Variants in ILRUN observed in about 807,000 individuals in gnomAD.
ILRUN encodes the protein protein ILRUN.
Under a neutral mutation model 33.8 loss-of-function variants are expected in ILRUN, and 3 were observed. The observed-to-expected ratio is 0.09, with a 90% CI of 0.04 to 0.23. ILRUN has a LOEUF of 0.23. ILRUN is among the 10% of genes least tolerant of loss of function. The probability of loss-of-function intolerance (pLI) is 1.00; values close to 1 mark genes in which losing one functional copy is unlikely to be tolerated. For missense variants in ILRUN, 210 were observed against 375.1 expected, an observed-to-expected ratio of 0.56 and a Z score of 3.64; for synonymous variants, 124 against 138.9, an observed-to-expected ratio of 0.89 and a Z score of 0.75.
chr6:34,658,392 CA>C (rs1204350512), intron 1 of ILRUN, among the ~76,000 whole-genome samples: 3 of 150,124 alleles, frequency 2.0e-5, no homozygotes, highest in Non-Finnish European at 3.0e-5. Context: ...TGCACACTGC[CA>C]ATATAGTTAA....
At chr6:34,679,414 T>C (rs973684651) in intron 1 of ILRUN, among the ~76,000 whole-genome samples, 4 of 152,110 alleles carry the variant, frequency 2.6e-5, no homozygotes, top group African/African-American at 9.7e-5. Flanking sequence ...TAGGAATAAA[T>C]TGTAAGGAAA....
intron 4 of ILRUN, among the ~76,000 whole-genome samples, chr6:34,598,141 A>ATATCAGTCAGTATTATTGACTGTATAC (rs1561995629): frequency 6.6e-6 from 1 of 152,308 alleles, no homozygotes; most frequent in Non-Finnish European, 1.5e-5. Flanking sequence ...TGACTGAATA[A>ATATCAGTCAGTATTATTGACTGTATAC]TATCAGTCAG....
intron 1 of ILRUN, among the ~76,000 whole-genome samples, chr6:34,693,141 T>G (rs1763680606): frequency 6.6e-6 from 1 of 152,052 alleles, no homozygotes; most frequent in African/African-American, 2.4e-5. Context: ...AAATACAGTA[T>G]TAGATTATGA....
At chr6:34,662,261 G>A (rs1216953356) in intron 1 of ILRUN, among the ~76,000 whole-genome samples, 9 of 148,324 alleles carry the variant, frequency 6.1e-5, no homozygotes, top group South Asian at 2.1e-4. Context: ...AGCCGAGATC[G>A]CGCCACTGCA....
At chr6:34,653,126 T>C (rs1582081029) in intron 2 of ILRUN, among the ~76,000 whole-genome samples, 1 of 128,174 alleles carries the variant, frequency 7.8e-6, no homozygotes, top group Non-Finnish European at 1.6e-5. Flanking sequence ...GAGTGAGACC[T>C]TGTCTCAAAA....
chr6:34,675,564 C>T (rs1281304416), intron 1 of ILRUN, among the ~76,000 whole-genome samples: 1 of 152,058 alleles, frequency 6.6e-6, no homozygotes, highest in East Asian at 1.9e-4. Flanking sequence ...TCCCACTGCC[C>T]CTCCCCGCCA....
chr6:34,593,885 G>A (rs1761343364), intron 4 of ILRUN, among the ~76,000 whole-genome samples: 1 of 152,114 alleles, frequency 6.6e-6, no homozygotes, highest in African/African-American at 2.4e-5. Context: ...GCCTGGCAGA[G>A]ATTCCAAGAA....
chr6:34,643,110 A>G (rs1032530751), intron 3 of ILRUN, among the ~76,000 whole-genome samples: 2 of 152,108 alleles, frequency 1.3e-5, no homozygotes, highest in African/African-American at 4.8e-5. Flanking sequence ...AGCCTGGCCA[A>G]CATGGTGAAA....
At chr6:34,614,457 AAAT>A (rs1761834027) in intron 3 of ILRUN, among the ~76,000 whole-genome samples, 1 of 134,004 alleles carries the variant, frequency 7.5e-6, no homozygotes, top group African/African-American at 3.1e-5. Context: ...TATATATATA[AAAT>A]GTATATTATA....
At chr6:34,656,828 T>C (rs574355626) in intron 1 of ILRUN, among the ~76,000 whole-genome samples, 3 of 152,352 alleles carry the variant, frequency 2.0e-5, no homozygotes, top group South Asian at 4.1e-4. Context: ...CAGTAATGAC[T>C]GAAATTACAA....
chr6:34,596,297 G>A (rs1022313041), intron 4 of ILRUN, among the ~76,000 whole-genome samples: 3 of 152,086 alleles, frequency 2.0e-5, no homozygotes, highest in Non-Finnish European at 4.4e-5. Flanking sequence ...TCACTCTGTC[G>A]CCCAGGCTGG....
chr6:34,654,755 G>A lies in ILRUN; in HGVS notation c.183C>T (p.Ala61=), dbSNP rs201049329. 6.2e-7 allele frequency: 1 copy of A among 1,613,642 alleles called. No homozygotes were observed. Among genetic ancestry groups the A allele is most frequent in the African/African-American group, 1.3e-5 (1 of 74,998 alleles). ...TNWNLQAAIG[A]YYDFESPNIS... Reference sequence around the variant, plus strand: ...TGTTTGGGCTCTCAAAGTCATAATAGGCGCCAATTGCTGCTTGTAGGTTCC... The same window carrying A: ...TGTTTGGGCTCTCAAAGTCATAATAAGCGCCAATTGCTGCTTGTAGGTTCC... Residue 61 remains alanine, a synonymous_variant, in exon 2 of 5, where the codon GCC becomes GCT. Transcript: ENST00000374023.
chr6:34,620,791 T>G (rs911217774), intron 3 of ILRUN, among the ~76,000 whole-genome samples: 2 of 152,240 alleles, frequency 1.3e-5, no homozygotes, highest in Admixed American at 1.3e-4. Context: ...ATTGTGCCGC[T>G]GCACTCCAGC....
At chr6:34,604,926 T>A (rs1031564188) in intron 4 of ILRUN, among the ~76,000 whole-genome samples, 1 of 152,180 alleles carries the variant, frequency 6.6e-6, no homozygotes, top group African/African-American at 2.4e-5. Context: ...CTATTACTAC[T>A]GAATGAAGTC....
intron 1 of ILRUN, among the ~76,000 whole-genome samples, chr6:34,675,962 G>A (rs188439768): frequency 6.6e-6 from 1 of 152,292 alleles, no homozygotes; most frequent in African/African-American, 2.4e-5. Context: ...GGTTAAGAGT[G>A]TAGCAAAACT....
rs542606084 is a variant in ILRUN at position 34,628,272 on chromosome 6, C to T, written c.511+18329G>A. On this transcript the variant is annotated intron_variant, in intron 3 of 4. Coordinates refer to ENST00000374023, the MANE Select transcript of ILRUN (RefSeq NM_024294.4). ...CTGACCTCAGGTGATCCACCCACCT[C>T]AGCCAGCTAAAGTGTTGAGATTACA... Among the ~76,000 whole-genome samples the T allele has an allele frequency of 6.6e-4, 101 of 152,238 alleles. 1 individual carries two copies. Among genetic ancestry groups the T allele is most frequent in the Non-Finnish European group, 1.1e-3 (74 of 68,012 alleles).
chr6:34,660,424 G>T (rs147757198), intron 1 of ILRUN, among the ~76,000 whole-genome samples: 1 of 147,870 alleles, frequency 6.8e-6, no homozygotes, highest in African/African-American at 2.5e-5. Context: ...AAACTCAAAA[G>T]AACACAAATT....
Position 34,602,873 on chromosome 6 carries a change from T to C in ILRUN, c.861+3682A>G, listed in dbSNP as rs888581522. 3.3e-5 allele frequency among the ~76,000 whole-genome samples: 5 copies of C among 152,176 alleles called. No individual in the cohort carries two copies. In the South Asian group the frequency reaches 1.0e-3, roughly 32 times the overall value. On this transcript the variant is annotated intron_variant, in intron 4 of 4. Transcript: ENST00000374023. ...TCCCCCCAGGGACGGAGCACTGAGT[T>C]CAGGGAGCTTACGATTCAAGAACAG...
At chr6:34,679,144 G>C (rs926470702) in intron 1 of ILRUN, among the ~76,000 whole-genome samples, 3 of 127,748 alleles carry the variant, frequency 2.3e-5, no homozygotes, top group African/African-American at 5.5e-5. Context: ...ATAAAAATTG[G>C]GAGGAAAAAA....
Sources: gnomAD v4.1 joint callset for allele counts (sites outside exome capture counted in the v4.1 genomes callset) on GRCh38, gnomAD v4.1.1 for gene constraint, MANE v1.5 for transcripts, NCBI Gene and HGNC (gene_info 2026-07-23, HGNC 2026-07-21) for gene names.